Variants in LINGO2 observed in about 807,000 individuals in gnomAD.
The protein encoded by LINGO2 is leucine rich repeat and Ig domain containing 2.
In LINGO2, 14 loss-of-function variants were observed where a neutral mutation model predicts 30.6. That is an observed-to-expected ratio of 0.46 (90% CI 0.30 to 0.72). The LOEUF is 0.72. Ranked by LOEUF, LINGO2 falls within the 30% of genes least tolerant of loss-of-function variation. LINGO2 has a pLI of 0.07. For synonymous variants in LINGO2, 317 were observed against 288.5 expected (o/e 1.10, Z -1.00); for missense variants, 729 against 751.7 (o/e 0.97, Z 0.35).
At chr9:28,962,513 C>A in the LINGO2 span, among the ~76,000 whole-genome samples, 3 of 151,996 alleles carry the variant, frequency 2.0e-5, no homozygotes, top group East Asian at 5.8e-4. Flanking sequence ...CACAAATAGT[C>A]ATTCAGGCCA....
At chr9:28,639,136 G>A (rs1827440571) in intron 1 of LINGO2, among the ~76,000 whole-genome samples, 2 of 152,170 alleles carry the variant, frequency 1.3e-5, no homozygotes, top group Non-Finnish European at 2.9e-5. Flanking sequence ...GGTTTTGAGT[G>A]AGTTTCTTAA....
intron 4 of LINGO2, among the ~76,000 whole-genome samples, chr9:28,109,283 A>G (rs1010738913): frequency 2.6e-5 from 4 of 152,216 alleles, no homozygotes; most frequent in African/African-American, 9.6e-5. Context: ...ACCCACAGAC[A>G]ATATCATACT....
intron 4 of LINGO2, among the ~76,000 whole-genome samples, chr9:28,188,701 C>A (rs1051055738): frequency 1.3e-5 from 2 of 152,034 alleles, no homozygotes; most frequent in African/African-American, 2.4e-5. Context: ...TGGTGACAAG[C>A]CAAGGAAAAT....
At chr9:29,037,711 C>T in the LINGO2 span, among the ~76,000 whole-genome samples, 2 of 151,854 alleles carry the variant, frequency 1.3e-5, no homozygotes, top group Non-Finnish European at 2.9e-5. Context: ...CAATCTGTTC[C>T]ATTTTACATA....
the LINGO2 span, among the ~76,000 whole-genome samples, chr9:28,861,236 T>G: frequency 8.8e-6 from 1 of 113,118 alleles, no homozygotes; most frequent in Non-Finnish European, 1.7e-5. Flanking sequence ...AAATATATAA[T>G]ATATATTTTT....
intron 4 of LINGO2, among the ~76,000 whole-genome samples, chr9:28,038,029 T>A (rs1248837993): frequency 6.6e-6 from 1 of 152,228 alleles, no homozygotes; most frequent in East Asian, 1.9e-4. Flanking sequence ...GAAACAGTGG[T>A]AGTGAGTTTC....
the LINGO2 span, among the ~76,000 whole-genome samples, chr9:29,114,763 A>G: frequency 5.4e-3 from 816 of 151,720 alleles, 9 homozygotes; most frequent in African/African-American, 0.019. Flanking sequence ...ATAGTATTCC[A>G]TGGTGTATAT....
the LINGO2 span, among the ~76,000 whole-genome samples, chr9:28,856,482 G>A: frequency 6.6e-6 from 1 of 151,980 alleles, no homozygotes; most frequent in East Asian, 1.9e-4. Flanking sequence ...TATCTGGACT[G>A]TCCCCAGAGA....
At chr9:28,548,427 C>T (rs963773206) in intron 1 of LINGO2, among the ~76,000 whole-genome samples, 3 of 151,894 alleles carry the variant, frequency 2.0e-5, no homozygotes, top group African/African-American at 4.8e-5. Flanking sequence ...TATTTGGGGC[C>T]GGGTGTGGTG....
At chr9:28,811,273 A>C in the LINGO2 span, among the ~76,000 whole-genome samples, 1 of 152,088 alleles carries the variant, frequency 6.6e-6, no homozygotes. Context: ...CTTTCCTATT[A>C]CATGACCACC....
chr9:28,639,551 A>G (rs1041398516), intron 1 of LINGO2, among the ~76,000 whole-genome samples: 4 of 152,028 alleles, frequency 2.6e-5, no homozygotes, highest in Non-Finnish European at 5.9e-5. Flanking sequence ...TTCTTGTTGA[A>G]CTGATCCCTT....
chr9:28,159,750 T>A (rs905363666), intron 4 of LINGO2, among the ~76,000 whole-genome samples: 2 of 152,224 alleles, frequency 1.3e-5, no homozygotes, highest in African/African-American at 2.4e-5. Context: ...CCAAATGGCA[T>A]GTTTTCTGTT....
chr9:28,278,907 T>G (rs184074695), intron 4 of LINGO2, among the ~76,000 whole-genome samples: 1 of 149,992 alleles, frequency 6.7e-6, no homozygotes, highest in East Asian at 1.9e-4. Context: ...CTGGAAAAGA[T>G]TCACCATTCT....
At chr9:28,552,916 G>A (rs1822385353) in intron 1 of LINGO2, among the ~76,000 whole-genome samples, 1 of 148,842 alleles carries the variant, frequency 6.7e-6, no homozygotes, top group African/African-American at 2.5e-5. Context: ...TCTTGTTTTC[G>A]AGATGAAGAA....
At chr9:28,712,063 A>G in the LINGO2 span, among the ~76,000 whole-genome samples, 1 of 152,264 alleles carries the variant, frequency 6.6e-6, no homozygotes, top group Admixed American at 6.5e-5. Context: ...TATATAAAAA[A>G]GATTTAAGAA....
chr9:28,656,042 C>A (rs1190402343), intron 1 of LINGO2, among the ~76,000 whole-genome samples: 1 of 152,026 alleles, frequency 6.6e-6, no homozygotes, highest in Non-Finnish European at 1.5e-5. Flanking sequence ...AATTATTTAA[C>A]ATTGGCTGTA....
intron 4 of LINGO2, among the ~76,000 whole-genome samples, chr9:28,020,884 C>G (rs900636706): frequency 3.3e-5 from 5 of 151,974 alleles, no homozygotes; most frequent in Non-Finnish European, 5.9e-5. Context: ...AATGACCCCT[C>G]TCTCTCATTT....
intron 4 of LINGO2, among the ~76,000 whole-genome samples, chr9:28,121,952 A>C (rs1258887012): frequency 6.6e-6 from 1 of 152,230 alleles, no homozygotes; most frequent in African/African-American, 2.4e-5. Context: ...TGAAAATTTC[A>C]TAACATTGCC....
the LINGO2 span, among the ~76,000 whole-genome samples, chr9:28,834,835 G>A: frequency 6.6e-6 from 1 of 151,996 alleles, no homozygotes; most frequent in African/African-American, 2.4e-5. Context: ...CAACATAGTA[G>A]GTGAATCACT....
Sources: gnomAD v4.1 joint callset for allele counts (sites outside exome capture counted in the v4.1 genomes callset) on GRCh38, gnomAD v4.1.1 for gene constraint, MANE v1.5 for transcripts, NCBI Gene and HGNC (gene_info 2026-07-23, HGNC 2026-07-21) for gene names.